Variants in PACSIN2 observed in about 807,000 individuals in gnomAD.
PACSIN2 encodes protein kinase C and casein kinase substrate in neurons protein 2.
Under a neutral mutation model 63.8 loss-of-function variants are expected in PACSIN2, and 25 were observed. That is an observed-to-expected ratio of 0.39 (90% CI 0.29 to 0.55). The LOEUF is 0.55. PACSIN2 is among the 20% of genes least tolerant of loss of function. The probability of loss-of-function intolerance (pLI) is 0.62; values close to 1 mark genes in which losing one functional copy is unlikely to be tolerated. For synonymous variants in PACSIN2, 255 were observed against 256.2 expected (o/e 1.00, Z 0.05); for missense variants, 518 against 646.9 (o/e 0.80, Z 2.16).
intron 1 of PACSIN2, among the ~76,000 whole-genome samples, chr22:42,935,215 G>T (rs552177856): frequency 2.0e-5 from 3 of 151,802 alleles, no homozygotes; most frequent in Admixed American, 2.0e-4. Flanking sequence ...GTGAGCCACC[G>T]TGCCCAGCCC....
Position 42,955,896 on chromosome 22 carries a change from A to C in PACSIN2, c.-77-43739T>G, listed in dbSNP as rs182418284. Among the ~76,000 whole-genome samples, 281 of 152,368 alleles carry C rather than the reference A, an allele frequency of 1.8e-3. 4 individuals are homozygous for C. The highest frequency in any genetic ancestry group is 1.3e-3 in the Non-Finnish European group (90 of 68,036). ...CAGTTCATAGCAGAGAAGATAGAGA[A>C]GTCATTTCATTATCCCCAAAACTGT... is the stretch of plus-strand genomic sequence containing the variant. On this transcript the variant is annotated intron_variant, in intron 1 of 10. Transcript: ENST00000263246.
chr22:42,964,371 T>G (rs571942837), intron 1 of PACSIN2, among the ~76,000 whole-genome samples: 1 of 148,240 alleles, frequency 6.7e-6, no homozygotes, highest in African/African-American at 2.5e-5. Context: ...TGAGCCAAGA[T>G]CGTGCCATTA....
At chr22:42,964,011 C>G (rs757695828) in intron 1 of PACSIN2, among the ~76,000 whole-genome samples, 3 of 152,184 alleles carry the variant, frequency 2.0e-5, no homozygotes. Flanking sequence ...CAACCATCAC[C>G]ACCGTCAAGG....
intron 1 of PACSIN2, among the ~76,000 whole-genome samples, chr22:42,940,705 G>A (rs951933451): frequency 2.0e-5 from 3 of 152,148 alleles, no homozygotes; most frequent in Non-Finnish European, 4.4e-5. Flanking sequence ...CCTACCTTGG[G>A]ACTTTGTGTT....
At chr22:42,984,058 C>A (rs1922437789) in intron 1 of PACSIN2, among the ~76,000 whole-genome samples, 1 of 148,094 alleles carries the variant, frequency 6.8e-6, no homozygotes, top group African/African-American at 2.5e-5. Context: ...GCAGCCTCAA[C>A]CTCCTGGGCT....
intron 2 of PACSIN2, among the ~76,000 whole-genome samples, chr22:42,894,771 C>T (rs1306759402): frequency 6.6e-6 from 1 of 152,170 alleles, no homozygotes; most frequent in Non-Finnish European, 1.5e-5. Flanking sequence ...AGGCTACAGT[C>T]GCTGATAACT....
chr22:42,876,024 G>A, intron 10 of PACSIN2, 113 bp downstream of exon 10: 1 of 854,712 alleles, frequency 1.2e-6, no homozygotes. Flanking sequence ...GGCCTGCAGT[G>A]ACTCACAAGT....
chr22:42,960,434 G>A (rs1326374270), intron 1 of PACSIN2, among the ~76,000 whole-genome samples: 1 of 152,178 alleles, frequency 6.6e-6, no homozygotes, highest in Admixed American at 6.5e-5. Context: ...GAGACAGGCA[G>A]GTGACCCCAT....
intron 2 of PACSIN2, among the ~76,000 whole-genome samples, chr22:42,905,617 A>G (rs1931020732): frequency 6.6e-6 from 1 of 152,182 alleles, no homozygotes; most frequent in Non-Finnish European, 1.5e-5. Context: ...GTGGAATTTG[A>G]TTTTTCCCAG....
At chr22:42,985,042 G>A (rs1922508767) in intron 1 of PACSIN2, among the ~76,000 whole-genome samples, 1 of 152,234 alleles carries the variant, frequency 6.6e-6, no homozygotes, top group Non-Finnish European at 1.5e-5. Flanking sequence ...CAGTAAGTGT[G>A]TATGGGCTGG....
chr22:42,895,371 G>A (rs1418802740), intron 2 of PACSIN2, among the ~76,000 whole-genome samples: 2 of 152,140 alleles, frequency 1.3e-5, no homozygotes, highest in Non-Finnish European at 2.9e-5. Context: ...AGGTAACACG[G>A]CCCTAACTTA....
Position 42,876,164 on chromosome 22 carries a change from C to A in PACSIN2, c.1321G>T (p.Glu441Ter). Reference sequence around the variant, plus strand: ...GCCTTGAAGCTCAGCTCATCATGCTCCTGCCCCTCATAGTCATACAGGGCC... The same window carrying A: ...GCCTTGAAGCTCAGCTCATCATGCTACTGCCCCTCATAGTCATACAGGGCC... ...VRALYDYEGQEHDELSFKAGD... is the reference protein window; with the variant it reads ...VRALYDYEGQ Residue 441 changes from glutamate (E) to a stop codon, truncating the protein, a stop_gained, in exon 10 of 11, where the codon GAG becomes TAG. Transcript: ENST00000263246. LOFTEE classifies it high-confidence loss of function. The A allele has an allele frequency of 6.2e-7, 1 of 1,614,130 alleles. No individual in the cohort carries two copies. The highest frequency in any genetic ancestry group is 8.5e-7 in the Non-Finnish European group (1 of 1,179,948).
At chr22:42,910,361 G>A (rs1569257480) in intron 2 of PACSIN2, among the ~76,000 whole-genome samples, 1 of 152,236 alleles carries the variant, frequency 6.6e-6, no homozygotes, top group Non-Finnish European at 1.5e-5. Flanking sequence ...ACAAGGGCCT[G>A]CACTTCTAAA....
chr22:42,993,356 A>G (rs1329833082), intron 1 of PACSIN2, among the ~76,000 whole-genome samples: 12 of 152,342 alleles, frequency 7.9e-5, no homozygotes, highest in Admixed American at 6.5e-5. Context: ...ACTTCTCACT[A>G]TCTTCTTTGC....
chr22:42,988,321 G>C (rs1371704906), intron 1 of PACSIN2, among the ~76,000 whole-genome samples: 1 of 152,172 alleles, frequency 6.6e-6, no homozygotes, highest in East Asian at 1.9e-4. Context: ...GACAGCTGTG[G>C]GATGTGTGAG....
At chr22:42,999,582 C>T (rs1923632176) in intron 1 of PACSIN2, among the ~76,000 whole-genome samples, 1 of 152,132 alleles carries the variant, frequency 6.6e-6, no homozygotes, top group Non-Finnish European at 1.5e-5. Flanking sequence ...AGAAGAGAAT[C>T]GCTTGAACCC....
At chr22:42,880,808 C>G (rs1929015670) in intron 7 of PACSIN2, among the ~76,000 whole-genome samples, 1 of 135,160 alleles carries the variant, frequency 7.4e-6, no homozygotes, top group Non-Finnish European at 1.7e-5. Context: ...TAGTCCTCCC[C>G]ACTGTGCCCC....
intron 1 of PACSIN2, among the ~76,000 whole-genome samples, chr22:42,913,088 G>C (rs1931567010): frequency 6.6e-6 from 1 of 152,190 alleles, no homozygotes; most frequent in South Asian, 2.1e-4. Context: ...TCCAGAGTCA[G>C]ACTACCTAGG....
At chr22:42,982,524 G>T (rs1922254953) in intron 1 of PACSIN2, among the ~76,000 whole-genome samples, 1 of 86,108 alleles carries the variant, frequency 1.2e-5, no homozygotes, top group Non-Finnish European at 2.2e-5. Flanking sequence ...ATTTTGTTCT[G>T]TACTAAGAAA....
Sources: allele counts gnomAD v4.1 joint callset (sites outside exome capture counted in the v4.1 genomes callset), GRCh38; gene constraint gnomAD v4.1.1; transcripts MANE v1.5; gene names NCBI Gene and HGNC (gene_info 2026-07-23, HGNC 2026-07-21).